The following ZC3H13 variants were observed in gnomAD, a reference collection of about 807,000 sequenced individuals.
ZC3H13 encodes the protein zinc finger CCCH-type containing 13.
Under a neutral mutation model 204.1 loss-of-function variants are expected in ZC3H13, and 64 were observed. The observed-to-expected ratio is 0.31, with a 90% CI of 0.26 to 0.39. ZC3H13 has a LOEUF of 0.39. Ranked by LOEUF, ZC3H13 falls within the 10% of genes least tolerant of loss-of-function variation. The pLI, the probability that ZC3H13 is intolerant of heterozygous loss-of-function variation, is 1.00. For synonymous variants in ZC3H13, 667 were observed against 693.7 expected (o/e 0.96, Z 0.60); for missense variants, 1,833 against 2,082.7 (o/e 0.88, Z 2.33).
intron 15 of ZC3H13, 90 bp downstream of exon 15, chr13:45,967,414 A>C (rs892101956): frequency 7.0e-7 from 1 of 1,433,184 alleles, no homozygotes; most frequent in Non-Finnish European, 9.3e-7. Context: ...TTTGCCCATT[A>C]GTGGGTGCCC....
intron 3 of ZC3H13, among the ~76,000 whole-genome samples, chr13:46,043,490 T>C (rs937668284): frequency 6.6e-6 from 1 of 151,966 alleles, no homozygotes; most frequent in Non-Finnish European, 1.5e-5. Context: ...TAAAACACTT[T>C]AGTATGAACT....
intron 9 of ZC3H13, among the ~76,000 whole-genome samples, chr13:45,987,727 T>C (rs2039649745): frequency 6.6e-6 from 1 of 152,332 alleles, no homozygotes; most frequent in Middle Eastern, 3.4e-3. Flanking sequence ...CAAGAGGCGC[T>C]TAAAGTGCAT....
At chr13:45,984,849 TG>T (rs1182262237) in intron 10 of ZC3H13, among the ~76,000 whole-genome samples, 1 of 152,222 alleles carries the variant, frequency 6.6e-6, no homozygotes, top group Non-Finnish European at 1.5e-5. Context: ...TAATGACGTG[TG>T]GCAGTTTGAC....
rs1952927426 is a variant in ZC3H13 at position 45,975,311 on chromosome 13, T to C, written c.2440A>G (p.Arg814Gly). 2 of 1,613,396 alleles carry C rather than the reference T, an allele frequency of 1.2e-6. No homozygotes were observed. The highest frequency in any genetic ancestry group is 1.3e-5 in the African/African-American group (1 of 74,884). ...REEIREDRNP[R>G]DGHDERKSKK... ...GATTTTCTTTCATCATGTCCATCTC[T>C]TGGATTCCTATCTTCTCGGATCTCT... Residue 814 changes from arginine (R) to glycine (G), a missense_variant, in exon 12 of 19, where the codon AGA becomes GGA. Arg to Gly is a moderately radical substitution (Grantham distance 125). Transcript: ENST00000679008.
chr13:45,985,812 G>A, intron 9 of ZC3H13, 51 bp from the exon 10 acceptor site: 1 of 1,469,442 alleles, frequency 6.8e-7, no homozygotes. Context: ...AAAGTTTCAG[G>A]AAACTAGAAA....
chr13:46,047,500 A>C (rs1262489617), intron 1 of ZC3H13, among the ~76,000 whole-genome samples: 1 of 152,154 alleles, frequency 6.6e-6, no homozygotes. Flanking sequence ...TTATAAGATA[A>C]TCTTTGATTT....
intron 4 of ZC3H13, among the ~76,000 whole-genome samples, chr13:46,022,188 C>T (rs2042258310): frequency 6.6e-6 from 1 of 151,440 alleles, no homozygotes; most frequent in South Asian, 2.1e-4. Flanking sequence ...TTGAATTGTC[C>T]ATGTTTTCCA....
intron 2 of ZC3H13, 69 bp downstream of exon 2, chr13:46,045,322 T>C: frequency 3.7e-6 from 5 of 1,338,512 alleles, no homozygotes; most frequent in South Asian, 2.5e-5. Flanking sequence ...TTCACCTTTA[T>C]GATACAAATA....
intron 4 of ZC3H13, among the ~76,000 whole-genome samples, chr13:46,038,913 T>C (rs928014463): frequency 2.0e-5 from 3 of 152,044 alleles, no homozygotes; most frequent in African/African-American, 7.2e-5. Context: ...TCTCAGCTAC[T>C]TGGGAGGCTG....
chr13:46,031,710 A>G (rs1172106815), intron 4 of ZC3H13, among the ~76,000 whole-genome samples: 1 of 152,206 alleles, frequency 6.6e-6, no homozygotes, highest in African/African-American at 2.4e-5. Flanking sequence ...GGAAATACAA[A>G]GTAAAACCAC....
chr13:45,970,397 G>C lies in ZC3H13; in HGVS notation c.2537C>G (p.Pro846Arg). The C allele has an allele frequency of 6.2e-7, 1 of 1,613,882 alleles. No homozygotes were observed. Among genetic ancestry groups the C allele is most frequent in the Non-Finnish European group, 8.5e-7 (1 of 1,179,846 alleles). The change falls in exon 13 of 19, where the codon CCG becomes CGG. Residue 846 changes from proline (P) to arginine (R), a missense_variant. Physicochemically the swap from Pro to Arg is moderately radical, Grantham distance 103 (BLOSUM62 -2). Around this residue, in one of 5 missense-constraint regions of ZC3H13, gnomAD observed 1,574 missense variants for 1,757.2 expected, o/e 0.90. Transcript: ENST00000679008. ...TCCACTGTTGTAGGCATCACTGTCCGGAGAATGTTCACGCCGGCGCTTCGG... is the reference window on the plus strand; with the variant it reads ...TCCACTGTTGTAGGCATCACTGTCCCGAGAATGTTCACGCCGGCGCTTCGG... ...QSPKRRREHS[P>R]DSDAYNSGDD... is the part of the protein sequence containing the mutation.
rs549806131 is a variant in ZC3H13, at chr13:45,962,259, A to T, written c.4675+1583T>A. 6.1e-6 allele frequency: 6 copies of T among 985,404 alleles called. No homozygotes were observed. The African/African-American group carries it at 1.0e-4, about 17-fold the overall frequency. 61.0% of individuals were successfully genotyped at this position (985,404 alleles called of 1,614,324 possible). ...ACCACCATAGCAGCAAAAATAGAAGAAGTCTGATTGTTAAGCCACATCACC... is the reference window on the plus strand; with the variant it reads ...ACCACCATAGCAGCAAAAATAGAAGTAGTCTGATTGTTAAGCCACATCACC... On this transcript the variant is annotated intron_variant, in intron 17 of 18. Coordinates refer to ENST00000679008, the MANE Select transcript of ZC3H13 (RefSeq NM_001330564.2).
At chr13:45,965,186 G>C in intron 16 of ZC3H13, 94 bp downstream of exon 16, 3 of 1,440,640 alleles carry the variant, frequency 2.1e-6, no homozygotes, top group Non-Finnish European at 2.8e-6. Context: ...AATTCTAAGT[G>C]TCTTAGGTCA....
chr13:45,995,577 C>T (rs1286192866), intron 8 of ZC3H13, among the ~76,000 whole-genome samples: 1 of 152,200 alleles, frequency 6.6e-6, no homozygotes, highest in Non-Finnish European at 1.5e-5. Context: ...CACATACACC[C>T]ACACCCCACA....
At chr13:45,995,570 A>G (rs868408185) in intron 8 of ZC3H13, among the ~76,000 whole-genome samples, 1 of 152,234 alleles carries the variant, frequency 6.6e-6, no homozygotes, top group African/African-American at 2.4e-5. Flanking sequence ...TTTTACACAC[A>G]TACACCCACA....
intron 1 of ZC3H13, among the ~76,000 whole-genome samples, chr13:46,051,574 T>A (rs551531316): frequency 1.3e-5 from 2 of 152,226 alleles, no homozygotes; most frequent in Non-Finnish European, 2.9e-5. Context: ...ACCCATAGAC[T>A]GAACTGCATA....
At chr13:46,045,265 A>C in intron 2 of ZC3H13, 126 bp downstream of exon 2, 1 of 1,021,952 alleles carries the variant, frequency 9.8e-7, no homozygotes, top group Non-Finnish European at 1.5e-6. Context: ...TATAAAACAC[A>C]CTTTAAAAAA....
intron 12 of ZC3H13, among the ~76,000 whole-genome samples, chr13:45,974,401 G>C (rs956434247): frequency 5.9e-5 from 9 of 152,196 alleles, no homozygotes; most frequent in Non-Finnish European, 5.9e-5. Flanking sequence ...AAACTGGAGA[G>C]ATGGAAACTG....
intron 10 of ZC3H13, among the ~76,000 whole-genome samples, chr13:45,981,138 G>T (rs952335843): frequency 4.6e-5 from 7 of 152,098 alleles, no homozygotes; most frequent in Admixed American, 2.0e-4. Context: ...AACAGTACTG[G>T]GGCTGTGATA....
Sources: allele counts gnomAD v4.1 joint callset (sites outside exome capture counted in the v4.1 genomes callset), GRCh38; gene constraint gnomAD v4.1.1; regional missense constraint gnomAD v4.1.1; transcripts MANE v1.5; gene names NCBI Gene and HGNC (gene_info 2026-07-23, HGNC 2026-07-21).